Variants in PCDHGA12 observed in about 807,000 individuals in gnomAD.
The protein encoded by PCDHGA12 is protocadherin gamma-A12.
PCDHGA12 carries 43 observed loss-of-function variants against 61.1 expected under a neutral mutation model. The observed-to-expected ratio is 0.70, with a 90% CI of 0.55 to 0.91. PCDHGA12 has a LOEUF of 0.91. PCDHGA12 is among the 40% of genes least tolerant of loss of function. PCDHGA12 has a pLI of 0.00. For synonymous variants in PCDHGA12, 520 were observed against 542.9 expected (o/e 0.96, Z 0.59); for missense variants, 1,236 against 1,227.7 (o/e 1.01, Z -0.10).
Position 141,491,349 on chromosome 5 carries a change from C to G in PCDHGA12, c.2425-3458C>G. 6.2e-7 allele frequency: 1 copy of G among 1,614,168 alleles called. No individual in the cohort carries two copies. Among genetic ancestry groups the G allele is most frequent in the Non-Finnish European group, 8.5e-7 (1 of 1,180,016 alleles). ...TTGTGGCTCTAGCGACCGTCAGTCT[C>G]TTATCCCTAGTCACCTTCACCTTTC... is the stretch of plus-strand genomic sequence containing the variant. On this transcript the variant is annotated intron_variant, in intron 1 of 3. Transcript: ENST00000252085. The surrounding 1 kb of genome is among the most constrained non-coding windows in gnomAD (Gnocchi z 6.9).
chr5:141,431,833 AAACTCT>A lies in PCDHGA12; in HGVS notation c.1075_1080del (p.Asn359_Ser360del). The A allele has an allele frequency of 1.2e-6, 2 of 1,614,278 alleles. No homozygotes were observed. Among genetic ancestry groups the A allele is most frequent in the Non-Finnish European group, 1.7e-6 (2 of 1,180,044 alleles). ...CCTCTCTCGCCAGCTCGGTTCCCGA[AAACTCT>A]CCCAGAGGGACATTAATTGCCCTTT... is the stretch of plus-strand genomic sequence containing the variant. On this transcript the variant is annotated inframe_deletion, in exon 1 of 4. Transcript: ENST00000252085. This position sits in a 1 kb window ranked among gnomAD's most constrained non-coding sequence, Gnocchi z 4.8.
chr5:141,499,565 C>T (rs1291006795), intron 2 of PCDHGA12, among the ~76,000 whole-genome samples: 1 of 152,168 alleles, frequency 6.6e-6, no homozygotes, highest in East Asian at 1.9e-4. Flanking sequence ...CACTATCCAG[C>T]TTCAACTAAT....
chr5:141,441,884 C>A (rs2098281796), intron 1 of PCDHGA12: 10 of 343,702 alleles, frequency 2.9e-5, no homozygotes, highest in South Asian at 2.6e-4. Context: ...TACCTGGTCA[C>A]CAAGGTGGTG....
Position 141,430,573 on chromosome 5 carries a change from A to C in PCDHGA12, c.-187A>C, listed in dbSNP as rs938248057. 8 of 448,940 alleles carry C rather than the reference A, an allele frequency of 1.8e-5. No homozygotes were observed. Among genetic ancestry groups the C allele is most frequent in the Non-Finnish European group, 3.0e-5 (8 of 264,436 alleles). 27.8% of individuals were successfully genotyped at this position (448,940 alleles called of 1,614,324 possible). A position where few individuals can be genotyped will look rare whatever the true frequency, so the allele number is the denominator to read the frequency against. The stretch of plus-strand genomic sequence containing the variant: ...TCACCAATCGGGGAGAGAAAAGCGG[A>C]GATCCTGCTCGCCTTGCACGCGCCT... On this transcript the variant is annotated 5_prime_UTR_variant, in exon 1 of 4. Transcript: ENST00000252085.
chr5:141,473,616 G>A (rs1049605139), intron 1 of PCDHGA12, among the ~76,000 whole-genome samples: 5 of 152,118 alleles, frequency 3.3e-5, no homozygotes, highest in African/African-American at 1.2e-4. Flanking sequence ...GCAAAGGGAG[G>A]GAGGAAAAAG....
Position 141,431,962 on chromosome 5 carries a change from C to G in PCDHGA12, c.1203C>G (p.Tyr401Ter). 1.2e-6 allele frequency: 2 copies of G among 1,614,190 alleles called. No homozygotes were observed. Among genetic ancestry groups the G allele is most frequent in the South Asian group, 2.2e-5 (2 of 91,086 alleles). ...PFKLEKSYGN[Y>*]YSLVTDIVLD... is the part of the protein sequence containing the mutation. ...AATTAGAAAAATCTTACGGAAATTACTATAGTTTAGTCACAGACATAGTCT... is the reference window on the plus strand; with the variant it reads ...AATTAGAAAAATCTTACGGAAATTAGTATAGTTTAGTCACAGACATAGTCT... Residue 401 changes from tyrosine (Y) to a stop codon, truncating the protein, a stop_gained, in exon 1 of 4, where the codon TAC (tyrosine) becomes TAG (stop). Transcript: ENST00000252085. LOFTEE classifies it high-confidence loss of function. The surrounding 1 kb of genome is among the most constrained non-coding windows in gnomAD (Gnocchi z 4.8).
Position 141,431,010 on chromosome 5 carries a change from T to G in PCDHGA12, c.251T>G (p.Leu84Trp). 2 of 1,613,972 alleles carry G rather than the reference T, an allele frequency of 1.2e-6. No individual in the cohort carries two copies. The highest frequency in any genetic ancestry group is 1.7e-6 in the Non-Finnish European group (2 of 1,179,964). Reference protein sequence around the residue: ...LFALNPRSGSLVTAGRIDREE... With the variant: ...LFALNPRSGSWVTAGRIDREE... The stretch of plus-strand genomic sequence containing the variant: ...GCCCTGAATCCGCGCAGCGGCAGCT[T>G]GGTCACGGCGGGCAGGATAGACCGG... Residue 84 changes from leucine (L) to tryptophan (W), a missense_variant, in exon 1 of 4, where the codon TTG becomes TGG. Transcript: ENST00000252085. The surrounding 1 kb of genome is among the most constrained non-coding windows in gnomAD (Gnocchi z 4.8).
intron 1 of PCDHGA12, among the ~76,000 whole-genome samples, chr5:141,464,723 T>A (rs1166321691): frequency 6.6e-6 from 1 of 152,156 alleles, no homozygotes; most frequent in Non-Finnish European, 1.5e-5. Flanking sequence ...TTTCATATGT[T>A]TAAAAGCCAG....
chr5:141,482,530 C>CAAAAAAAAAAA (rs3074545), intron 1 of PCDHGA12, among the ~76,000 whole-genome samples: 21 of 76,546 alleles, frequency 2.7e-4, no homozygotes, highest in African/African-American at 4.8e-4. Context: ...GACAGACATG[C>CAAAAAAAAAAA]AAAAAAAAAA....
intron 1 of PCDHGA12, among the ~76,000 whole-genome samples, chr5:141,475,625 G>C (rs1172186188): frequency 2.0e-5 from 3 of 152,204 alleles, no homozygotes; most frequent in African/African-American, 7.2e-5. Flanking sequence ...GGTTTGGTTC[G>C]ATCCCCTTTC....
intron 1 of PCDHGA12, among the ~76,000 whole-genome samples, chr5:141,462,203 G>A (rs544238255): frequency 2.6e-5 from 4 of 152,036 alleles, no homozygotes; most frequent in East Asian, 1.9e-4. Flanking sequence ...CAGGTGATCC[G>A]CCTGCCTCGG....
rs755706235 is a variant in PCDHGA12 at position 141,476,450 on chromosome 5, G to A, written c.2425-18357G>A. ...TTGCACTGTAACTCTGGAGTTGGTA[G>A]TGGAGAACCCGCTGGAGCTGTTCAG... On this transcript the variant is annotated intron_variant, in intron 1 of 3. Transcript: ENST00000252085. The surrounding 1 kb of genome is among the most constrained non-coding windows in gnomAD (Gnocchi z 7.6). The A allele has an allele frequency of 6.2e-7, 1 of 1,614,180 alleles. No individual in the cohort carries two copies. The highest frequency in any genetic ancestry group is 8.5e-7 in the Non-Finnish European group (1 of 1,180,040).
chr5:141,510,398 G>A (rs2099880972), intron 3 of PCDHGA12, among the ~76,000 whole-genome samples: 1 of 152,064 alleles, frequency 6.6e-6, no homozygotes, highest in African/African-American at 2.4e-5. Flanking sequence ...CTTGGCAAAG[G>A]CTAGGGGCAT....
chr5:141,438,621 TATATATATATATATACACACAC>T (rs2098027070), intron 1 of PCDHGA12, among the ~76,000 whole-genome samples: 1 of 41,368 alleles, frequency 2.4e-5, no homozygotes, highest in Non-Finnish European at 4.0e-5. Flanking sequence ...TATATATATA[TATATATATATATATACACACAC>T]ACACACACAT....
intron 2 of PCDHGA12, among the ~76,000 whole-genome samples, chr5:141,496,391 A>G (rs1473991011): frequency 1.3e-5 from 2 of 151,930 alleles, no homozygotes; most frequent in Admixed American, 6.6e-5. Flanking sequence ...ACCTTACCCT[A>G]CCTCCTCAAT....
chr5:141,475,935 C>CCCGT, intron 1 of PCDHGA12: 1 of 669,050 alleles, frequency 1.5e-6, no homozygotes, highest in Middle Eastern at 4.2e-4. Flanking sequence ...CGGGCCCCTG[C>CCCGT]CCGTCCCCTT....
chr5:141,456,103 T>C lies in PCDHGA12; in HGVS notation c.2424+22920T>C, dbSNP rs185224428. Among the ~76,000 whole-genome samples the C allele has an allele frequency of 2.6e-3, 390 of 152,142 alleles. 3 individuals are homozygous for C. The highest frequency in any genetic ancestry group is 6.7e-3 in the Admixed American group (103 of 15,290). On this transcript the variant is annotated intron_variant, in intron 1 of 3. Coordinates refer to ENST00000252085, the MANE Select transcript of PCDHGA12 (RefSeq NM_003735.3). The stretch of plus-strand genomic sequence containing the variant: ...CAGTAGAGACGGGATTTCACCGTGT[T>C]AGCCAGGATGGTCTCCATCTCCTGA...
intron 3 of PCDHGA12, among the ~76,000 whole-genome samples, chr5:141,509,693 G>A (rs72790076): frequency 0.024 from 3,613 of 152,246 alleles, 55 homozygotes; most frequent in East Asian, 0.046. Flanking sequence ...ACAGTGGGAC[G>A]TTGGACTGGA....
rs375228847 is a variant in PCDHGA12, at chr5:141,431,219, C to G, written c.460C>G (p.Leu154Val). ...TGCAGCCACTGAGATGCGGTTCCCTCTACCCCACGCCTGGGATCCGGATAT... is the reference window on the plus strand; with the variant it reads ...TGCAGCCACTGAGATGCGGTTCCCTGTACCCCACGCCTGGGATCCGGATAT... ...ENAATEMRFP[L>V]PHAWDPDIGK... is the part of the protein sequence containing the mutation. Residue 154 changes from leucine (L) to valine (V), a missense_variant, in exon 1 of 4, where the codon CTA (leucine) becomes GTA (valine). Physicochemically the swap from Leu to Val is conservative, Grantham distance 32. Coordinates refer to ENST00000252085, the MANE Select transcript of PCDHGA12 (RefSeq NM_003735.3). This position sits in a 1 kb window ranked among gnomAD's most constrained non-coding sequence, Gnocchi z 4.8. 2.5e-6 allele frequency: 4 copies of G among 1,614,180 alleles called. No individual in the cohort carries two copies. The highest frequency in any genetic ancestry group is 1.6e-4 in the Middle Eastern group (1 of 6,062).
Sources: allele counts gnomAD v4.1 joint callset (sites outside exome capture counted in the v4.1 genomes callset), GRCh38; gene constraint gnomAD v4.1.1; non-coding constraint Gnocchi (gnomAD v3.1); transcripts MANE v1.5; gene names NCBI Gene and HGNC (gene_info 2026-07-23, HGNC 2026-07-21).